The following LRRC4C variants were observed in gnomAD, a reference collection of about 807,000 sequenced individuals.
The protein encoded by LRRC4C is leucine-rich repeat-containing protein 4C.
Under a neutral mutation model 33.6 loss-of-function variants are expected in LRRC4C, and 5 were observed. The observed-to-expected ratio is 0.15, with a 90% confidence interval of 0.08 to 0.31. The LOEUF (loss-of-function observed/expected upper bound fraction) is 0.31, where lower values mean the gene tolerates loss of function less well. LRRC4C is among the 10% of genes least tolerant of loss of function. The pLI is 1.00. For missense variants in LRRC4C, 560 were observed against 796.7 expected (o/e 0.70, Z 3.58); for synonymous variants, 329 against 302.0 (o/e 1.09, Z -0.93).
chr11:40,886,490 C>T (rs2136069158), intron 2 of LRRC4C, among the ~76,000 whole-genome samples: 1 of 151,252 alleles, frequency 6.6e-6, no homozygotes, highest in East Asian at 2.0e-4. Flanking sequence ...AATAGAAACC[C>T]TTTTGTCCTA....
intron 2 of LRRC4C, among the ~76,000 whole-genome samples, chr11:40,781,393 T>G (rs1045032277): frequency 3.3e-5 from 5 of 152,104 alleles, no homozygotes; most frequent in African/African-American, 1.2e-4. Context: ...TGACCATCAA[T>G]TTCTTATTAT....
chr11:40,647,011 T>C (rs1168118046), intron 3 of LRRC4C, among the ~76,000 whole-genome samples: 3 of 152,196 alleles, frequency 2.0e-5, no homozygotes, highest in African/African-American at 7.2e-5. Flanking sequence ...AACACCTCCA[T>C]AGCTAGGTTC....
chr11:41,383,429 T>C (rs904032924), intron 1 of LRRC4C, among the ~76,000 whole-genome samples: 4 of 152,034 alleles, frequency 2.6e-5, no homozygotes, highest in African/African-American at 9.7e-5. Context: ...CACAATTTTG[T>C]GCCATAATGT....
intron 3 of LRRC4C, among the ~76,000 whole-genome samples, chr11:40,367,836 G>C (rs1948278808): frequency 6.6e-6 from 1 of 151,950 alleles, no homozygotes; most frequent in South Asian, 2.1e-4. Flanking sequence ...AATGTATTTG[G>C]TTATTATCTG....
intron 2 of LRRC4C, among the ~76,000 whole-genome samples, chr11:40,895,051 T>C (rs1955877743): frequency 6.6e-6 from 1 of 152,156 alleles, no homozygotes; most frequent in Non-Finnish European, 1.5e-5. Context: ...ATATTCTTTG[T>C]ACGGAATGTA....
intron 3 of LRRC4C, among the ~76,000 whole-genome samples, chr11:40,579,436 C>T (rs1053195884): frequency 5.4e-5 from 8 of 148,824 alleles, no homozygotes; most frequent in African/African-American, 1.7e-4. Flanking sequence ...TTATGGTGGT[C>T]TCACTGTATT....
At chr11:40,962,348 G>A (rs1036273048) in intron 1 of LRRC4C, among the ~76,000 whole-genome samples, 1 of 151,516 alleles carries the variant, frequency 6.6e-6, no homozygotes, top group Non-Finnish European at 1.5e-5. Flanking sequence ...TCAGACTTCC[G>A]AGCTCCAAAA....
intron 1 of LRRC4C, among the ~76,000 whole-genome samples, chr11:41,204,781 G>A (rs1349938618): frequency 1.3e-5 from 2 of 151,862 alleles, no homozygotes; most frequent in South Asian, 2.1e-4. Context: ...AGGCACTATG[G>A]AATATAATGA....
At chr11:40,415,738 T>G (rs1950302868) in intron 3 of LRRC4C, among the ~76,000 whole-genome samples, 1 of 152,162 alleles carries the variant, frequency 6.6e-6, no homozygotes, top group African/African-American at 2.4e-5. Flanking sequence ...TGAAGCAAAG[T>G]GGAGATAGGT....
intron 3 of LRRC4C, among the ~76,000 whole-genome samples, chr11:40,542,886 C>T (rs1956779757): frequency 1.3e-5 from 2 of 152,070 alleles, no homozygotes; most frequent in Non-Finnish European, 2.9e-5. Flanking sequence ...TTTTTACATG[C>T]TTATGAGTTA....
At chr11:40,976,873 G>C (rs141089597) in intron 1 of LRRC4C, among the ~76,000 whole-genome samples, 1 of 152,046 alleles carries the variant, frequency 6.6e-6, no homozygotes, top group Non-Finnish European at 1.5e-5. Context: ...CAGGGGGATC[G>C]TTTGGGGATG....
intron 3 of LRRC4C, among the ~76,000 whole-genome samples, chr11:40,512,901 T>G (rs1338526966): frequency 6.6e-6 from 1 of 152,146 alleles, no homozygotes; most frequent in Non-Finnish European, 1.5e-5. Context: ...CACACTCCTG[T>G]GTACTAGGGA....
intron 3 of LRRC4C, among the ~76,000 whole-genome samples, chr11:40,524,123 A>C (rs989794263): frequency 2.6e-5 from 4 of 152,190 alleles, no homozygotes; most frequent in African/African-American, 9.6e-5. Flanking sequence ...AACAAGTAAC[A>C]CTGAAGTAAG....
rs544366790 is a variant in LRRC4C, at chr11:40,950,830, G to A, written c.-495-17107C>T. ...TACACATATGGAATCATTTTGCTTT[G>A]TGTTTTTTAATAAAAAATTTGATCC... On this transcript the variant is annotated intron_variant, in intron 1 of 6. Coordinates refer to ENST00000528697, the MANE Select transcript of LRRC4C (RefSeq NM_001258419.2). 4.3e-4 allele frequency among the ~76,000 whole-genome samples: 65 copies of A among 150,394 alleles called. No individual in the cohort carries two copies. The East Asian group carries it at 0.012, about 28-fold the overall frequency.
chr11:40,228,049 C>A (rs1052973212), intron 5 of LRRC4C, among the ~76,000 whole-genome samples: 6 of 152,184 alleles, frequency 3.9e-5, no homozygotes, highest in Non-Finnish European at 7.3e-5. Flanking sequence ...GATTCAAATC[C>A]ATGTCCTTCA....
chr11:40,351,652 A>G (rs190531255), intron 3 of LRRC4C: 1 of 152,108 alleles, frequency 6.6e-6, no homozygotes, highest in East Asian at 1.9e-4. Flanking sequence ...CTTTCTCACT[A>G]CTAAACTTGA....
At chr11:40,548,784 T>G (rs1242263922) in intron 3 of LRRC4C, among the ~76,000 whole-genome samples, 1 of 152,130 alleles carries the variant, frequency 6.6e-6, no homozygotes, top group Non-Finnish European at 1.5e-5. Context: ...ATTTGCATTT[T>G]ACAACAACCC....
intron 1 of LRRC4C, among the ~76,000 whole-genome samples, chr11:41,194,423 T>C (rs1229749232): frequency 6.6e-6 from 1 of 152,078 alleles, no homozygotes; most frequent in African/African-American, 2.4e-5. Flanking sequence ...CCCTCAAGTA[T>C]GGATGCAACC....
intron 3 of LRRC4C, among the ~76,000 whole-genome samples, chr11:40,547,280 CT>C (rs1591067507): frequency 6.6e-6 from 1 of 151,940 alleles, no homozygotes. Flanking sequence ...AATTCCAAAA[CT>C]TTTTTTTCAT....
Sources: gnomAD v4.1 joint callset for allele counts (sites outside exome capture counted in the v4.1 genomes callset) on GRCh38, gnomAD v4.1.1 for gene constraint, MANE v1.5 for transcripts, NCBI Gene and HGNC (gene_info 2026-07-23, HGNC 2026-07-21) for gene names.